ADAM18: variants seen among roughly 807,000 people sequenced by gnomAD.
The protein encoded by ADAM18 is disintegrin and metalloproteinase domain-containing protein 18.
A neutral mutation model predicts 94.4 loss-of-function variants in ADAM18; 117 were observed. The ratio of observed to expected loss-of-function variants is 1.24; its 90% CI spans 1.07 to 1.45. The LOEUF is 1.45. Among genes scored for constraint, ADAM18 ranks in the 40% most tolerant of loss-of-function variants. The pLI is 0.00. For synonymous variants in ADAM18, 327 were observed against 291.6 expected (o/e 1.12, Z -1.24); for missense variants, 936 against 880.0 (o/e 1.06, Z -0.81).
At chr8:39,663,948 A>C (rs1429057538) in intron 13 of ADAM18, 58 bp downstream of exon 13, 1 of 1,114,166 alleles carries the variant, frequency 9.0e-7, no homozygotes, top group East Asian at 2.4e-5. Context: ...CGTCTGTATT[A>C]ACTGAATCAA....
In ADAM18 at chr8:39,668,159, A is replaced by G. The variant is rs1467259535; in HGVS notation, c.1488A>G (p.Gln496=). The G allele has an allele frequency of 6.2e-7, 1 of 1,614,106 alleles. No homozygotes were observed. The highest frequency in any genetic ancestry group is 8.5e-7 in the Non-Finnish European group (1 of 1,179,990). Residue 496 remains glutamine (Q), a synonymous_variant, in exon 14 of 20, where the codon CAA becomes CAG. Coordinates refer to ENST00000265707, the MANE Select transcript of ADAM18 (RefSeq NM_014237.3). The part of the protein sequence containing the change: ...GTAYCYNGQC[Q]TTDNQCAKIF... ...CCTATTGCTATAACGGACAATGTCA[A>G]ACTACTGATAACCAGTGTGCCAAGA...
At chr8:39,612,774 A>G (rs757788983) in intron 6 of ADAM18, among the ~76,000 whole-genome samples, 4 of 152,082 alleles carry the variant, frequency 2.6e-5, no homozygotes, top group Non-Finnish European at 5.9e-5. Flanking sequence ...CCCAACCTGA[A>G]TGCTTCCCTG....
At chr8:39,649,530 TA>T (rs1488741231) in intron 12 of ADAM18, among the ~76,000 whole-genome samples, 1 of 152,156 alleles carries the variant, frequency 6.6e-6, no homozygotes, top group African/African-American at 2.4e-5. Context: ...TTATGAATCA[TA>T]AAATAAAGCA....
intron 12 of ADAM18, among the ~76,000 whole-genome samples, chr8:39,654,664 A>AG (rs35496998): frequency 0.7 from 106,971 of 151,898 alleles, 38,502 homozygotes; most frequent in Middle Eastern, 0.8. Context: ...TTCCATTAAC[A>AG]TGTGCAAGCG....
At chr8:39,635,218 C>G (rs1820045272) in intron 7 of ADAM18, among the ~76,000 whole-genome samples, 1 of 152,128 alleles carries the variant, frequency 6.6e-6, no homozygotes, top group Admixed American at 6.6e-5. Flanking sequence ...AATACCCAGT[C>G]TGTGTTATTC....
chr8:39,678,549 C>T (rs1289072988), intron 15 of ADAM18, among the ~76,000 whole-genome samples: 3 of 152,064 alleles, frequency 2.0e-5, no homozygotes, highest in African/African-American at 7.2e-5. Flanking sequence ...TCAGCCACAC[C>T]TATTGGATAT....
intron 12 of ADAM18, among the ~76,000 whole-genome samples, chr8:39,661,928 T>A (rs997018861): frequency 1.1e-4 from 17 of 148,058 alleles, no homozygotes; most frequent in East Asian, 3.9e-4. Flanking sequence ...TAGGCTTATT[T>A]TATATATATA....
intron 7 of ADAM18, among the ~76,000 whole-genome samples, chr8:39,633,660 C>G (rs1819994938): frequency 6.6e-6 from 1 of 152,100 alleles, no homozygotes; most frequent in South Asian, 2.1e-4. Context: ...ATGATGAACT[C>G]AGATATTTGG....
intron 13 of ADAM18, 86 bp from the exon 14 acceptor site, chr8:39,667,912 A>T: frequency 1.5e-6 from 2 of 1,364,096 alleles, no homozygotes; most frequent in Non-Finnish European, 2.0e-6. Context: ...CAATAATTAG[A>T]AACATTTTAT....
At chr8:39,586,755 ACTATCTATCTATCTATCTATCTAT>A (rs35604090) in intron 2 of ADAM18, among the ~76,000 whole-genome samples, 5,463 of 147,530 alleles carry the variant, frequency 0.037, 133 homozygotes, top group Non-Finnish European at 0.053. Context: ...CAAACAAAAA[ACTATCTATCTATCTATCTATCTAT>A]CTATCTATCT....
chr8:39,584,579 A>G lies in ADAM18; in HGVS notation c.-44A>G, dbSNP rs772459222. On this transcript the variant is annotated 5_prime_UTR_variant, in exon 1 of 20. Transcript: ENST00000265707. ...CTGCCCGCGAGCTCAACGCTGCTCA[A>G]CGGTCTCTGTCCTTGGCTGTGGCTC... is the stretch of plus-strand genomic sequence containing the variant. 1.7e-5 allele frequency: 27 copies of G among 1,608,022 alleles called. No individual in the cohort carries two copies. The South Asian group carries it at 2.9e-4, about 17-fold the overall frequency.
rs759564897 is a variant in ADAM18, at chr8:39,637,658, G to A, written c.782G>A (p.Arg261Gln). The change falls in exon 9 of 20, where the codon CGG becomes CAG. Residue 261 changes from arginine to glutamine, a missense_variant. Coordinates refer to ENST00000265707, the MANE Select transcript of ADAM18 (RefSeq NM_014237.3). ...DILQRFLAWK[R>Q]DYLILRPHDI... ...TTACAAAGATTTTTGGCATGGAAAC[G>A]GGACTATCTCATCCTACGGCCCCAT... 6.8e-6 allele frequency: 11 copies of A among 1,612,190 alleles called. No individual in the cohort carries two copies. Among genetic ancestry groups the A allele is most frequent in the Admixed American group, 6.7e-5 (4 of 59,754 alleles).
rs745826116 is a variant in ADAM18 at position 39,668,124 on chromosome 8, T to C, written c.1453T>C (p.Leu485=). 6.2e-7 allele frequency: 1 copy of C among 1,614,092 alleles called. No homozygotes were observed. Among genetic ancestry groups the C allele is most frequent in the East Asian group, 2.2e-5 (1 of 44,860 alleles). Residue 485 remains leucine, a synonymous_variant, in exon 14 of 20, where the codon TTG becomes CTG. Coordinates refer to ENST00000265707, the MANE Select transcript of ADAM18 (RefSeq NM_014237.3). ...TGCATTGAATGGCCGTTTGTGCAAG[T>C]TGGGAACTGCCTATTGCTATAACGG... is the stretch of plus-strand genomic sequence containing the variant. ...TYALNGRLCK[L]GTAYCYNGQC...
At chr8:39,721,800 G>C (rs1195030141) in intron 18 of ADAM18, among the ~76,000 whole-genome samples, 1 of 151,378 alleles carries the variant, frequency 6.6e-6, no homozygotes, top group Non-Finnish European at 1.5e-5. Flanking sequence ...TTATACTGCT[G>C]GTGGAAATGT....
chr8:39,705,762 G>A (rs1224450800), intron 17 of ADAM18, among the ~76,000 whole-genome samples: 1 of 152,104 alleles, frequency 6.6e-6, no homozygotes, highest in African/African-American at 2.4e-5. Flanking sequence ...TTAGCAAAAT[G>A]AGTATAAACG....
At chr8:39,710,610 C>T (rs1019422578) in intron 18 of ADAM18, among the ~76,000 whole-genome samples, 17 of 152,132 alleles carry the variant, frequency 1.1e-4, no homozygotes, top group African/African-American at 2.9e-4. Context: ...GACCCAACTT[C>T]GTCAACATGG....
At chr8:39,609,315 G>A (rs564998521) in intron 4 of ADAM18, among the ~76,000 whole-genome samples, 170 bp from the exon 5 acceptor site, 1 of 152,070 alleles carries the variant, frequency 6.6e-6, no homozygotes, top group South Asian at 2.1e-4. Flanking sequence ...TGTGCCTGTG[G>A]TGCAAAATAA....
intron 6 of ADAM18, among the ~76,000 whole-genome samples, chr8:39,615,321 C>A (rs1819405490): frequency 6.6e-6 from 1 of 151,196 alleles, no homozygotes; most frequent in African/African-American, 2.4e-5. Context: ...CATACAATTA[C>A]ATGAAAAGTC....
In ADAM18 at chr8:39,701,117, C is replaced by CAAAAAAAAAAAAA. The variant is rs71237188; in HGVS notation, c.1903-5653_1903-5641dup. 8.7e-4 allele frequency among the ~76,000 whole-genome samples: 30 copies of CAAAAAAAAAAAAA among 34,564 alleles called. 2 individuals carry two copies. Among genetic ancestry groups the CAAAAAAAAAAAAA allele is most frequent in the Non-Finnish European group, 9.1e-4 (18 of 19,836 alleles). 22.7% of individuals were successfully genotyped at this position (34,564 alleles called of 152,430 possible). A position where few individuals can be genotyped will look rare whatever the true frequency, so the allele number is the denominator to read the frequency against. ...TGGGCGACAGAGCAAGACTCTGTCT[C>CAAAAAAAAAAAAA]AAAAAAAAAAAAAAAAAAAAAAAAA... On this transcript the variant is annotated intron_variant, in intron 17 of 19. Coordinates refer to ENST00000265707, the MANE Select transcript of ADAM18 (RefSeq NM_014237.3).
Sources: gnomAD v4.1 joint callset for allele counts (sites outside exome capture counted in the v4.1 genomes callset) on GRCh38, gnomAD v4.1.1 for gene constraint, MANE v1.5 for transcripts, NCBI Gene and HGNC (gene_info 2026-07-23, HGNC 2026-07-21) for gene names.